Variants in FSTL5 observed in about 807,000 individuals in gnomAD.
FSTL5 encodes the protein follistatin like 5, also known as follistatin-related protein 5.
FSTL5 carries 62 observed loss-of-function variants against 89.1 expected under a neutral mutation model. The observed-to-expected ratio is 0.70, with a 90% confidence interval of 0.57 to 0.86. The LOEUF is 0.86. Among genes scored for constraint, FSTL5 ranks in the 40% least tolerant of loss-of-function variants. FSTL5 has a pLI of 0.00. For synonymous variants in FSTL5, 383 were observed against 346.2 expected, an observed-to-expected ratio of 1.11 and a Z score of -1.18; for missense variants, 1,057 against 1,001.6, an observed-to-expected ratio of 1.06 and a Z score of -0.75.
In FSTL5 at chr4:161,495,891, G is replaced by GT. The variant is rs1254185770; in HGVS notation, c.1458+4124dup. Among the ~76,000 whole-genome samples the GT allele has an allele frequency of 7.2e-5, 11 of 151,976 alleles. No individual in the cohort carries two copies. In the South Asian group the frequency reaches 1.2e-3, roughly 17 times the overall value. Reference sequence around the variant, plus strand: ...GTCTTCTAAAATGAAACACATTAGCGTTTTTTCTGTACTAAAAACTCATAT... The same window carrying GT: ...GTCTTCTAAAATGAAACACATTAGCGTTTTTTTCTGTACTAAAAACTCATAT... On this transcript the variant is annotated intron_variant, in intron 12 of 15. Coordinates refer to ENST00000306100, the MANE Select transcript of FSTL5 (RefSeq NM_020116.5).
At chr4:161,812,879 CAAAAAAAAAAAAAAAAAAA>C (rs35183730) in intron 4 of FSTL5, among the ~76,000 whole-genome samples, 1 of 41,564 alleles carries the variant, frequency 2.4e-5, no homozygotes, top group Non-Finnish European at 4.2e-5. Flanking sequence ...TAAATCCCAG[CAAAAAAAAAAAAAAAAAAA>C]AAAAAAAAAG....
intron 15 of FSTL5, among the ~76,000 whole-genome samples, chr4:161,446,159 C>A (rs1268760398): frequency 6.6e-6 from 1 of 151,954 alleles, no homozygotes; most frequent in Non-Finnish European, 1.5e-5. Context: ...GAAGATAGAG[C>A]ATATCAGTGC....
intron 4 of FSTL5, among the ~76,000 whole-genome samples, chr4:161,777,158 C>T (rs1284959472): frequency 6.6e-6 from 1 of 151,548 alleles, no homozygotes; most frequent in Non-Finnish European, 1.5e-5. Flanking sequence ...GTTTATTTCA[C>T]TTAACATAAT....
intron 1 of FSTL5, among the ~76,000 whole-genome samples, chr4:162,160,461 T>C (rs1733651522): frequency 6.6e-6 from 1 of 150,588 alleles, no homozygotes; most frequent in East Asian, 2.0e-4. Context: ...ATTGGTCACT[T>C]GACTCTTAGA....
rs1380735032 is a variant in FSTL5, at chr4:161,652,807, T to C, written c.894+3521A>G. On this transcript the variant is annotated intron_variant, in intron 7 of 15. Coordinates refer to ENST00000306100, the MANE Select transcript of FSTL5 (RefSeq NM_020116.5). ...ACTATACATTTAATCCTACCTAATATACATATTCAAAAGTCAGAAAGGATA... is the reference window on the plus strand; with the variant it reads ...ACTATACATTTAATCCTACCTAATACACATATTCAAAAGTCAGAAAGGATA... 2.0e-5 allele frequency among the ~76,000 whole-genome samples: 3 copies of C among 152,140 alleles called. 1 individual carries two copies. Among genetic ancestry groups the C allele is most frequent in the Admixed American group, 6.6e-5 (1 of 15,260 alleles).
intron 2 of FSTL5, among the ~76,000 whole-genome samples, chr4:162,079,170 G>A (rs1481631601): frequency 6.6e-6 from 1 of 151,698 alleles, no homozygotes. Flanking sequence ...TACATAACAA[G>A]TGTAGGTGGT....
chr4:161,441,973 C>T (rs1732777740), intron 15 of FSTL5, among the ~76,000 whole-genome samples: 1 of 152,046 alleles, frequency 6.6e-6, no homozygotes. Flanking sequence ...CTTGCAAATG[C>T]TTTCTTATAT....
rs185985649 is a variant in FSTL5, at chr4:161,467,714, T to C, written c.1609-8395A>G. Among the ~76,000 whole-genome samples the C allele has an allele frequency of 5.8e-4, 89 of 152,210 alleles. No homozygotes were observed. In the Middle Eastern group the frequency reaches 0.01, roughly 17 times the overall value. On this transcript the variant is annotated intron_variant, in intron 13 of 15. Transcript: ENST00000306100. Reference sequence around the variant, plus strand: ...TAAAATTCACATACTCCTAAGGTAATGTTAAGACAAATATAAGGGTGTGTT... The same window carrying C: ...TAAAATTCACATACTCCTAAGGTAACGTTAAGACAAATATAAGGGTGTGTT...
At chr4:161,983,464 G>A (rs1457373197) in intron 3 of FSTL5, among the ~76,000 whole-genome samples, 1 of 152,172 alleles carries the variant, frequency 6.6e-6, no homozygotes, top group Non-Finnish European at 1.5e-5. Flanking sequence ...CTGGCAGACA[G>A]CAAGAACAAC....
intron 4 of FSTL5, among the ~76,000 whole-genome samples, chr4:161,844,172 C>T (rs533235674): frequency 6.6e-6 from 1 of 152,136 alleles, no homozygotes; most frequent in African/African-American, 2.4e-5. Flanking sequence ...ATATATGCAG[C>T]CAATAAACAT....
intron 6 of FSTL5, among the ~76,000 whole-genome samples, chr4:161,751,145 C>G (rs1424670597): frequency 6.6e-6 from 1 of 151,796 alleles, no homozygotes; most frequent in Non-Finnish European, 1.5e-5. Context: ...TAGTGGTATC[C>G]CATTAAGGTA....
intron 15 of FSTL5, among the ~76,000 whole-genome samples, chr4:161,402,792 C>T (rs1376303721): frequency 6.6e-6 from 1 of 151,768 alleles, no homozygotes; most frequent in Non-Finnish European, 1.5e-5. Flanking sequence ...TTTCTGACAA[C>T]ATCAAAATAG....
At chr4:161,761,389 G>T (rs966289708) in intron 5 of FSTL5, among the ~76,000 whole-genome samples, 1 of 152,154 alleles carries the variant, frequency 6.6e-6, no homozygotes, top group Non-Finnish European at 1.5e-5. Context: ...GGCAGTGTGC[G>T]CGATTCTACC....
intron 3 of FSTL5, among the ~76,000 whole-genome samples, chr4:161,976,336 C>A (rs1735645203): frequency 6.6e-6 from 1 of 152,034 alleles, no homozygotes; most frequent in African/African-American, 2.4e-5. Flanking sequence ...GTGATTAATT[C>A]AAGATATGCA....
At chr4:161,453,893 C>T (rs1207575393) in intron 15 of FSTL5, among the ~76,000 whole-genome samples, 1 of 152,106 alleles carries the variant, frequency 6.6e-6, no homozygotes, top group Non-Finnish European at 1.5e-5. Flanking sequence ...CATGCCCAGC[C>T]TGCACATTAT....
chr4:161,529,793 T>G (rs567407792), intron 10 of FSTL5, among the ~76,000 whole-genome samples: 2 of 143,084 alleles, frequency 1.4e-5, no homozygotes, highest in African/African-American at 5.0e-5. Context: ...TTTATCTTTA[T>G]GGATTTTTGC....
At chr4:161,662,742 G>T (rs148900281) in intron 6 of FSTL5, among the ~76,000 whole-genome samples, 177 of 152,212 alleles carry the variant, frequency 1.2e-3, no homozygotes, top group African/African-American at 3.9e-3. Context: ...CCAATCAATA[G>T]ATTGAAGAAG....
At chr4:161,976,899 A>G (rs1735666559) in intron 3 of FSTL5, among the ~76,000 whole-genome samples, 1 of 152,218 alleles carries the variant, frequency 6.6e-6, no homozygotes, top group African/African-American at 2.4e-5. Context: ...CTAAGTTTCT[A>G]TGATTGAAAC....
At chr4:161,453,529 A>G (rs890587237) in intron 15 of FSTL5, among the ~76,000 whole-genome samples, 1 of 152,142 alleles carries the variant, frequency 6.6e-6, no homozygotes, top group Non-Finnish European at 1.5e-5. Flanking sequence ...AACCTAAAAA[A>G]CTGTTAATTT....
Sources: allele counts gnomAD v4.1 joint callset (sites outside exome capture counted in the v4.1 genomes callset), GRCh38; gene constraint gnomAD v4.1.1; transcripts MANE v1.5; gene names NCBI Gene and HGNC (gene_info 2026-07-23, HGNC 2026-07-21).